Variants in CREB3L2 observed in about 807,000 individuals in gnomAD.
CREB3L2 encodes cyclic AMP-responsive element-binding protein 3-like protein 2.
In CREB3L2, 23 loss-of-function variants were observed where a neutral mutation model predicts 57.2. That is an observed-to-expected ratio of 0.40 (90% CI 0.29 to 0.57). CREB3L2 has a LOEUF of 0.57. CREB3L2 is among the 20% of genes least tolerant of loss of function. The pLI is 0.42. For synonymous variants in CREB3L2, 268 were observed against 265.1 expected (o/e 1.01, Z -0.11); for missense variants, 628 against 634.7 (o/e 0.99, Z 0.11).
chr7:137,968,656 T>G (rs185749365), intron 1 of CREB3L2, among the ~76,000 whole-genome samples: 315 of 152,316 alleles, frequency 2.1e-3, no homozygotes, highest in Middle Eastern at 0.01. Context: ...CTGTGAATAG[T>G]GGAGCTGGCC....
chr7:137,935,058 T>C (rs1319027520), intron 1 of CREB3L2, among the ~76,000 whole-genome samples: 1 of 152,244 alleles, frequency 6.6e-6, no homozygotes, highest in Non-Finnish European at 1.5e-5. Flanking sequence ...ATTGTGGCAA[T>C]GTAGCTTTGG....
At chr7:137,994,137 A>G (rs181548398) in intron 1 of CREB3L2, among the ~76,000 whole-genome samples, 18 of 152,322 alleles carry the variant, frequency 1.2e-4, no homozygotes, top group Admixed American at 1.2e-3. Context: ...CTCACTCATA[A>G]GATCACTCAT....
chr7:137,896,172 C>T (rs1476952663), intron 8 of CREB3L2, among the ~76,000 whole-genome samples: 1 of 152,218 alleles, frequency 6.6e-6, no homozygotes, highest in Non-Finnish European at 1.5e-5. Context: ...GCCACAGACG[C>T]CCTCGGCAGA....
chr7:137,995,333 C>CTTTTTTT (rs10676214), intron 1 of CREB3L2, among the ~76,000 whole-genome samples: 59,610 of 87,388 alleles, frequency 0.68, 20,904 homozygotes, highest in South Asian at 0.83. Context: ...TCTTTTCTTT[C>CTTTTTTT]TTTTTTTTTT....
At chr7:137,899,322 G>T (rs1799704903) in intron 8 of CREB3L2, among the ~76,000 whole-genome samples, 1 of 152,144 alleles carries the variant, frequency 6.6e-6, no homozygotes, top group Non-Finnish European at 1.5e-5. Flanking sequence ...GGCCTGACAC[G>T]GAGCCTGTAG....
At chr7:137,887,155 T>C (rs1799437597) in intron 8 of CREB3L2, among the ~76,000 whole-genome samples, 1 of 152,250 alleles carries the variant, frequency 6.6e-6, no homozygotes, top group Non-Finnish European at 1.5e-5. Context: ...CACAGAATGC[T>C]GTGGGCTTTC....
chr7:137,884,017 T>C (rs142615181), intron 10 of CREB3L2, among the ~76,000 whole-genome samples: 1 of 152,332 alleles, frequency 6.6e-6, no homozygotes, highest in African/African-American at 2.4e-5. Context: ...TTTTTGTTTG[T>C]TTGTTTGAGA....
At position 137,885,646 on chromosome 7, in the gene CREB3L2, T is replaced by C. The variant is rs576839650; in HGVS notation, c.1044-144A>G. The C allele has an allele frequency of 8.6e-5, 58 of 676,330 alleles. No homozygotes were observed. In the African/African-American group the frequency reaches 8.9e-4, roughly 10 times the overall value. 41.9% of individuals were successfully genotyped at this position (676,330 alleles called of 1,614,324 possible). Reference sequence around the variant, plus strand: ...AGGGACAGTTTCCTCTGGAAGAAGATACGAACACCAGTACCTTCTAGCACC... The same window carrying C: ...AGGGACAGTTTCCTCTGGAAGAAGACACGAACACCAGTACCTTCTAGCACC... On this transcript the variant is annotated intron_variant, in intron 8 of 11. Coordinates refer to ENST00000330387, the MANE Select transcript of CREB3L2 (RefSeq NM_194071.4).
chr7:137,933,624 A>G (rs946198885), intron 1 of CREB3L2: 1 of 152,216 alleles, frequency 6.6e-6, no homozygotes, highest in Non-Finnish European at 1.5e-5. Flanking sequence ...TTATTATCAT[A>G]ACCTCCCCTC....
At chr7:137,928,110 AG>A (rs1178166368) in intron 2 of CREB3L2, 39 bp downstream of exon 2, 1 of 1,485,702 alleles carries the variant, frequency 6.7e-7, no homozygotes, top group Non-Finnish European at 9.2e-7. Context: ...TCAGAACCAA[AG>A]GCGCTAAGGT....
At position 137,877,933 on chromosome 7, in the gene CREB3L2, C is replaced by A. The variant is rs542393229; in HGVS notation, c.*2543G>T. 1 of 228,042 alleles carries A rather than the reference C, an allele frequency of 4.4e-6. No individual in the cohort carries two copies. The highest frequency in any genetic ancestry group is 5.7e-5 in the Admixed American group (1 of 17,610). 14.1% of individuals were successfully genotyped at this position (228,042 alleles called of 1,614,324 possible). On this transcript the variant is annotated 3_prime_UTR_variant, in exon 12 of 12. Transcript: ENST00000330387. ...ACCCCATTTTGTCCTCCTAAAGGGA[C>A]AACTGTTAGTTCCTTTAACCCACTC... is the stretch of plus-strand genomic sequence containing the variant.
rs1341558866 is a variant in CREB3L2, at chr7:137,879,455, G to T, written c.*1021C>A. On this transcript the variant is annotated 3_prime_UTR_variant, in exon 12 of 12. Coordinates refer to ENST00000330387, the MANE Select transcript of CREB3L2 (RefSeq NM_194071.4). ...GAAAACAGGATAGAAAAAGCTTGTG[G>T]CCAGGGAGCCCGGGGCCTGAGTGAG... is the stretch of plus-strand genomic sequence containing the variant. The T allele has an allele frequency of 2.6e-6, 1 of 380,976 alleles. No individual in the cohort carries two copies. Among genetic ancestry groups the T allele is most frequent in the East Asian group, 4.6e-5 (1 of 21,694 alleles). The allele number at this position is 380,976 out of a possible 1,614,324, so 23.6% of individuals were successfully genotyped here.
chr7:137,884,661 C>G lies in CREB3L2; in HGVS notation c.1270+334G>C, dbSNP rs567291745. 5.7e-5 allele frequency: 33 copies of G among 578,590 alleles called. No individual in the cohort carries two copies. The African/African-American group carries it at 6.1e-4, about 11-fold the overall frequency. The allele number at this position is 578,590 out of a possible 1,614,324, so 35.8% of individuals were successfully genotyped here. ...CAGAAACACAGCAGTTCTCTTAAAA[C>G]GTCACAGAAAGCGACAGACTCTTTC... On this transcript the variant is annotated intron_variant, in intron 10 of 11. Coordinates refer to ENST00000330387, the MANE Select transcript of CREB3L2 (RefSeq NM_194071.4).
chr7:137,977,116 T>C (rs943328537), intron 1 of CREB3L2, among the ~76,000 whole-genome samples: 1 of 152,196 alleles, frequency 6.6e-6, no homozygotes, highest in South Asian at 2.1e-4. Context: ...CCCCTGCCCC[T>C]GCACCTCCCA....
Position 138,001,756 on chromosome 7 carries a change from G to C in CREB3L2, c.-51C>G. ...GGATGCTAAGCGCAGGAGGGGACGCGCAGAGCTGCCTCGGACCGGCAAGGT... is the reference window on the plus strand; with the variant it reads ...GGATGCTAAGCGCAGGAGGGGACGCCCAGAGCTGCCTCGGACCGGCAAGGT... On this transcript the variant is annotated 5_prime_UTR_variant, in exon 1 of 12. Coordinates refer to ENST00000330387, the MANE Select transcript of CREB3L2 (RefSeq NM_194071.4). The surrounding 1 kb of genome is among the most constrained non-coding windows in gnomAD (Gnocchi z 4.2). 2 of 1,355,768 alleles carry C rather than the reference G, an allele frequency of 1.5e-6. No homozygotes were observed. The highest frequency in any genetic ancestry group is 2.0e-6 in the Non-Finnish European group (2 of 999,564). The allele number at this position is 1,355,768 out of a possible 1,614,324, so 84.0% of individuals were successfully genotyped here.
At chr7:137,990,754 T>C (rs1393070540) in intron 1 of CREB3L2, among the ~76,000 whole-genome samples, 1 of 152,212 alleles carries the variant, frequency 6.6e-6, no homozygotes, top group Admixed American at 6.5e-5. Flanking sequence ...TCTAAAAACA[T>C]CACCCTATCA....
chr7:137,924,666 G>C (rs1329517853), intron 2 of CREB3L2, among the ~76,000 whole-genome samples: 1 of 149,710 alleles, frequency 6.7e-6, no homozygotes, highest in Middle Eastern at 3.2e-3. Flanking sequence ...GTGTTTTCTT[G>C]TTGTTGTTGC....
chr7:137,926,546 G>A (rs1222275074), intron 2 of CREB3L2, among the ~76,000 whole-genome samples: 1 of 152,120 alleles, frequency 6.6e-6, no homozygotes, highest in Non-Finnish European at 1.5e-5. Context: ...CATAGACACA[G>A]GGAGGGGAAC....
chr7:137,880,668 C>A lies in CREB3L2; in HGVS notation c.1488-117G>T. On this transcript the variant is annotated intron_variant, in intron 11 of 11. Transcript: ENST00000330387. This position sits in a 1 kb window ranked among gnomAD's most constrained non-coding sequence, Gnocchi z 4.0. ...TTGCAACTTGGTGAGACGGCCTGGG[C>A]ATGTTTCTTGTCCTTTTCTCTCCTA... 1.3e-6 allele frequency: 1 copy of A among 790,126 alleles called. No individual in the cohort carries two copies. Among genetic ancestry groups the A allele is most frequent in the Non-Finnish European group, 2.2e-6 (1 of 457,844 alleles). 48.9% of individuals were successfully genotyped at this position (790,126 alleles called of 1,614,324 possible).
Sources: allele counts gnomAD v4.1 joint callset (sites outside exome capture counted in the v4.1 genomes callset), GRCh38; gene constraint gnomAD v4.1.1; non-coding constraint Gnocchi (gnomAD v3.1); transcripts MANE v1.5; gene names NCBI Gene and HGNC (gene_info 2026-07-23, HGNC 2026-07-21).